Variants in MYOCD observed in about 807,000 individuals in gnomAD.
MYOCD encodes the protein myocardin.
In MYOCD, 32 loss-of-function variants were observed where a neutral mutation model predicts 96.1. The observed-to-expected ratio is 0.33, with a 90% CI of 0.25 to 0.45. The LOEUF (loss-of-function observed/expected upper bound fraction) is 0.45, where lower values mean the gene tolerates loss of function less well. MYOCD is among the 20% of genes least tolerant of loss of function. The probability of loss-of-function intolerance (pLI) is 1.00; values close to 1 mark genes in which losing one functional copy is unlikely to be tolerated. For missense variants in MYOCD, 1,133 were observed against 1,200.6 expected, an observed-to-expected ratio of 0.94 and a Z score of 0.83; for synonymous variants, 469 against 469.0, an observed-to-expected ratio of 1.00 and a Z score of 0.00.
intron 13 of MYOCD, chr17:12,761,236 C>G (rs923240336): frequency 6.5e-6 from 1 of 153,152 alleles, no homozygotes; most frequent in African/African-American, 2.4e-5. Flanking sequence ...GGAGTGTGTA[C>G]CTAGAATTTT....
At chr17:12,726,845 A>G (rs1037008511) in intron 5 of MYOCD, among the ~76,000 whole-genome samples, 1 of 152,226 alleles carries the variant, frequency 6.6e-6, no homozygotes, top group South Asian at 2.1e-4. Flanking sequence ...AAACCAAGGA[A>G]ATTAAGAAAC....
intron 3 of MYOCD, among the ~76,000 whole-genome samples, 189 bp from the exon 4 acceptor site, chr17:12,717,157 C>G (rs1159490185): frequency 6.6e-6 from 1 of 152,036 alleles, no homozygotes; most frequent in Non-Finnish European, 1.5e-5. Context: ...AGCTCTTTAC[C>G]TTCTTATCTT....
At chr17:12,718,098 T>C (rs1052728367) in intron 4 of MYOCD, among the ~76,000 whole-genome samples, 6 of 152,120 alleles carry the variant, frequency 3.9e-5, no homozygotes, top group Non-Finnish European at 8.8e-5. Context: ...ACCTATGAGA[T>C]ATTTGTTCCT....
intron 1 of MYOCD, among the ~76,000 whole-genome samples, chr17:12,673,373 A>G (rs984038776): frequency 4.6e-5 from 7 of 152,204 alleles, no homozygotes; most frequent in African/African-American, 1.7e-4. Context: ...CCAGTTGCAT[A>G]AAGATTTTTA....
Position 12,722,964 on chromosome 17 carries a change from A to C in MYOCD, c.371A>C (p.Lys124Thr), listed in dbSNP as rs1373988700. 1.9e-6 allele frequency: 3 copies of C among 1,614,040 alleles called. No individual in the cohort carries two copies. Among genetic ancestry groups the C allele is most frequent in the Non-Finnish European group, 2.5e-6 (3 of 1,179,986 alleles). Residue 124 changes from lysine (K) to threonine (T), a missense_variant, in exon 5 of 14, where the codon AAA becomes ACA. Physicochemically the swap from Lys to Thr is moderately conservative, Grantham distance 78. Coordinates refer to ENST00000425538, the MANE Select transcript of MYOCD (RefSeq NM_001146312.3). ...LRPGPLELVE[K>T]NILPVDSAVK... is the part of the protein sequence containing the mutation. ...CCAGGGCCACTGGAGCTGGTGGAAAAAAACATTCTTCCTGTGGATTCTGCT... is the reference window on the plus strand; with the variant it reads ...CCAGGGCCACTGGAGCTGGTGGAAACAAACATTCTTCCTGTGGATTCTGCT...
intron 6 of MYOCD, 133 bp downstream of exon 6, chr17:12,736,469 T>A: frequency 1.2e-6 from 1 of 867,972 alleles, no homozygotes; most frequent in South Asian, 1.7e-5. Flanking sequence ...TGCCACAGCA[T>A]TTTGATGCCT....
At chr17:12,740,561 C>T (rs2032476976) in intron 7 of MYOCD, among the ~76,000 whole-genome samples, 1 of 152,004 alleles carries the variant, frequency 6.6e-6, no homozygotes, top group Non-Finnish European at 1.5e-5. Context: ...TTTCTTTATC[C>T]ACTTGTTGGT....
At chr17:12,667,253 C>T (rs1009168303) in intron 1 of MYOCD, among the ~76,000 whole-genome samples, 18 of 152,260 alleles carry the variant, frequency 1.2e-4, no homozygotes, top group Admixed American at 3.9e-4. Flanking sequence ...AATGTAGATG[C>T]TGGGAGGTAA....
chr17:12,684,347 GC>G, intron 1 of MYOCD, among the ~76,000 whole-genome samples: 1 of 152,048 alleles, frequency 6.6e-6, no homozygotes, highest in East Asian at 1.9e-4. Context: ...TGCCGGTGTA[GC>G]CCTCTTTCTA....
chr17:12,717,736 TA>T (rs992844872), intron 4 of MYOCD, among the ~76,000 whole-genome samples: 1 of 152,222 alleles, frequency 6.6e-6, no homozygotes, highest in Non-Finnish European at 1.5e-5. Context: ...CAATTATTAC[TA>T]ATCTGGATCA....
intron 2 of MYOCD, among the ~76,000 whole-genome samples, chr17:12,709,433 T>G (rs2031410783): frequency 6.6e-6 from 1 of 152,210 alleles, no homozygotes; most frequent in South Asian, 2.1e-4. Flanking sequence ...CTCTTGACTT[T>G]TAGTCAAGAC....
At chr17:12,671,495 C>G (rs1270252281) in intron 1 of MYOCD, among the ~76,000 whole-genome samples, 1 of 152,108 alleles carries the variant, frequency 6.6e-6, no homozygotes, top group Non-Finnish European at 1.5e-5. Context: ...GTAGTTGTGT[C>G]CATGTGTTAT....
chr17:12,694,105 A>C (rs1324598295), intron 1 of MYOCD, among the ~76,000 whole-genome samples: 13 of 152,192 alleles, frequency 8.5e-5, no homozygotes, highest in Non-Finnish European at 8.8e-5. Context: ...GGGAGTGGAA[A>C]GAAGGCATGG....
At chr17:12,717,806 T>C (rs2150685329) in intron 4 of MYOCD, among the ~76,000 whole-genome samples, 1 of 152,314 alleles carries the variant, frequency 6.6e-6, no homozygotes, top group South Asian at 2.1e-4. Flanking sequence ...TCCAGGTAAT[T>C]GATTGTCCTT....
At chr17:12,703,262 C>A (rs887963039) in intron 1 of MYOCD, among the ~76,000 whole-genome samples, 2 of 151,916 alleles carry the variant, frequency 1.3e-5, no homozygotes, top group South Asian at 4.1e-4. Flanking sequence ...TCTCCCCCAC[C>A]TGTTTTTAAG....
chr17:12,695,911 A>G (rs1015141732), intron 1 of MYOCD, among the ~76,000 whole-genome samples: 1 of 143,214 alleles, frequency 7.0e-6, no homozygotes. Context: ...GGACTACTCT[A>G]GGTACCTTAT....
chr17:12,684,883 C>T (rs914982751), intron 1 of MYOCD, among the ~76,000 whole-genome samples: 3 of 151,466 alleles, frequency 2.0e-5, no homozygotes, highest in Admixed American at 2.0e-4. Flanking sequence ...ATGGTGATAG[C>T]ACCTCATTAA....
intron 2 of MYOCD, among the ~76,000 whole-genome samples, chr17:12,707,967 G>A (rs938094849): frequency 3.9e-5 from 6 of 152,062 alleles, no homozygotes; most frequent in African/African-American, 1.4e-4. Context: ...GTGTGTGTGT[G>A]TGTATACATA....
At chr17:12,677,997 A>T (rs1292519520) in intron 1 of MYOCD, among the ~76,000 whole-genome samples, 1 of 149,386 alleles carries the variant, frequency 6.7e-6, no homozygotes, top group African/African-American at 2.5e-5. Flanking sequence ...GGTTCTAGCG[A>T]TTCTCCTGCC....
Sources: allele counts gnomAD v4.1 joint callset (sites outside exome capture counted in the v4.1 genomes callset), GRCh38; gene constraint gnomAD v4.1.1; transcripts MANE v1.5; gene names NCBI Gene and HGNC (gene_info 2026-07-23, HGNC 2026-07-21).